The following HELLS variants were observed in gnomAD, a reference collection of about 807,000 sequenced individuals.
HELLS encodes helicase, lymphoid specific.
In HELLS, 32 loss-of-function variants were observed where a neutral mutation model predicts 120.0. That is an observed-to-expected ratio of 0.27 (90% CI 0.20 to 0.36). HELLS has a LOEUF of 0.36. Among genes scored for constraint, HELLS ranks in the 10% least tolerant of loss-of-function variants. HELLS has a pLI of 1.00. For synonymous variants in HELLS, 341 were observed against 323.4 expected (o/e 1.05, Z -0.58); for missense variants, 650 against 993.4 (o/e 0.65, Z 4.65).
At chr10:94,549,964 A>C (rs925781631) in intron 2 of HELLS, among the ~76,000 whole-genome samples, 26 of 152,152 alleles carry the variant, frequency 1.7e-4, no homozygotes, top group African/African-American at 5.8e-4. Context: ...CTTGTTGCCC[A>C]GGCTAGAGTG....
intron 7 of HELLS, 118 bp downstream of exon 7, chr10:94,571,547 T>TA (rs996740347): frequency 5.4e-4 from 384 of 713,680 alleles, no homozygotes; most frequent in Non-Finnish European, 6.1e-4. Flanking sequence ...TTCTTTGCTT[T>TA]AAAAAAAAAT....
At chr10:94,597,257 T>C in intron 21 of HELLS, 146 bp downstream of exon 21, 2 of 532,264 alleles carry the variant, frequency 3.8e-6, no homozygotes, top group Non-Finnish European at 6.6e-6. Flanking sequence ...TAAAATCAAA[T>C]CTCAGACATG....
rs933101238 is a variant in HELLS, at chr10:94,545,855, A to T, written c.-67A>T. 1.2e-5 allele frequency: 18 copies of T among 1,511,130 alleles called. No homozygotes were observed. Among genetic ancestry groups the T allele is most frequent in the Non-Finnish European group, 1.6e-5 (18 of 1,109,992 alleles). The allele number at this position is 1,511,130 out of a possible 1,614,324, so 93.6% of individuals were successfully genotyped here. A position where few individuals can be genotyped will look rare whatever the true frequency, so the allele number is the denominator to read the frequency against. On this transcript the variant is annotated 5_prime_UTR_variant, in exon 1 of 22. Transcript: ENST00000348459. ...GAAGGCTGGGCCGGCAGCGGTTGTG[A>T]GGAGTTAGCTCGCGGCATTGCAGGC... is the stretch of plus-strand genomic sequence containing the variant.
intron 4 of HELLS, among the ~76,000 whole-genome samples, chr10:94,562,432 A>G (rs7093613): frequency 0.16 from 24,082 of 152,138 alleles, 2,232 homozygotes; most frequent in East Asian, 0.37. Context: ...AATGCCAACT[A>G]TGTTTAATTT....
chr10:94,578,126 A>C (rs1399180273), intron 10 of HELLS, among the ~76,000 whole-genome samples: 1 of 151,314 alleles, frequency 6.6e-6, no homozygotes, highest in African/African-American at 2.4e-5. Flanking sequence ...GTGATGGTGC[A>C]CATGTTTAAT....
intron 19 of HELLS, among the ~76,000 whole-genome samples, chr10:94,595,443 AT>A (rs2134122162): frequency 6.6e-6 from 1 of 152,286 alleles, no homozygotes; most frequent in South Asian, 2.1e-4. Flanking sequence ...TAAGATAAAT[AT>A]TTTGCAAGTT....
At position 94,573,956 on chromosome 10, in the gene HELLS, A is replaced by G. The variant is rs1218849724; in HGVS notation, c.478-4A>G. 1.3e-6 allele frequency: 2 copies of G among 1,567,346 alleles called. No homozygotes were observed. The highest frequency in any genetic ancestry group is 1.7e-5 in the Admixed American group (1 of 57,458). On this transcript the variant is annotated splice_region_variant and splice_polypyrimidine_tract_variant and intron_variant, in intron 7 of 21. Coordinates refer to ENST00000348459, the MANE Select transcript of HELLS (RefSeq NM_018063.5). ...ACATCTTATTAAACTTTTTTTCTCT[A>G]CAGGATGAAAACTCCTCCTCTACTA...
At position 94,545,837 on chromosome 10, in the gene HELLS, G is replaced by A; in HGVS notation, c.-85G>A. On this transcript the variant is annotated 5_prime_UTR_variant, in exon 1 of 22. Transcript: ENST00000348459. ...TGGCGGGGGATTTGGCTAGAAGGCT[G>A]GGCCGGCAGCGGTTGTGAGGAGTTA... The A allele has an allele frequency of 6.9e-7, 1 of 1,446,504 alleles. No homozygotes were observed. Among genetic ancestry groups the A allele is most frequent in the Non-Finnish European group, 9.5e-7 (1 of 1,050,894 alleles). The allele number at this position is 1,446,504 out of a possible 1,614,324, so 89.6% of individuals were successfully genotyped here.
chr10:94,545,915 T>G lies in HELLS; in HGVS notation c.-7T>G. On this transcript the variant is annotated 5_prime_UTR_variant, in exon 1 of 22. Transcript: ENST00000348459. ...AGGGGACCCGGTTCCCGGGTGAGTG[T>G]CCAGGCATGCCAGCGGAACGGCCCG... 6.4e-7 allele frequency: 1 copy of G among 1,554,632 alleles called. No individual in the cohort carries two copies. The highest frequency in any genetic ancestry group is 8.7e-7 in the Non-Finnish European group (1 of 1,148,482).
chr10:94,612,525 A>G (rs1270205692), exon 10 of HELLS: 1 of 152,206 alleles, frequency 6.6e-6, no homozygotes, highest in Non-Finnish European at 1.5e-5. Flanking sequence ...CTGATGGGTA[A>G]TAGAATGTGT....
At chr10:94,608,563 T>G (rs1328359969) in intron 9 of HELLS, among the ~76,000 whole-genome samples, 1 of 152,216 alleles carries the variant, frequency 6.6e-6, no homozygotes, top group African/African-American at 2.4e-5. Flanking sequence ...TCTCTTTCAT[T>G]TCTTTTTTCA....
At chr10:94,574,520 C>A (rs1191053047) in intron 8 of HELLS, 34 bp from the exon 9 acceptor site, 11 of 1,479,854 alleles carry the variant, frequency 7.4e-6, no homozygotes, top group African/African-American at 1.4e-5. Context: ...TGTTTATATC[C>A]AAGTTTAAAT....
intron 2 of HELLS, among the ~76,000 whole-genome samples, chr10:94,552,956 A>G (rs966496908): frequency 4.6e-5 from 7 of 152,182 alleles, no homozygotes; most frequent in Non-Finnish European, 8.8e-5. Flanking sequence ...GCATGAGACC[A>G]TGCCTTAAAA....
Position 94,546,381 on chromosome 10 carries a change from G to T in HELLS, c.36G>T (p.Ser12=). 1 of 1,614,106 alleles carries T rather than the reference G, an allele frequency of 6.2e-7. No homozygotes were observed. The highest frequency in any genetic ancestry group is 8.5e-7 in the Non-Finnish European group (1 of 1,180,028). ...PAERPAGSGG[S]EAPAMVEQLD... is the part of the protein sequence containing the mutation. ...GAAAGCTTTCTCCCCCGTCAGGCTC[G>T]GAGGCTCCAGCAATGGTTGAACAAC... Residue 12 remains serine, a synonymous_variant, in exon 2 of 22, where the codon TCG becomes TCT. Coordinates refer to ENST00000348459, the MANE Select transcript of HELLS (RefSeq NM_018063.5).
At chr10:94,564,227 GA>G (rs1347936230) in intron 6 of HELLS, among the ~76,000 whole-genome samples, 1 of 152,196 alleles carries the variant, frequency 6.6e-6, no homozygotes, top group African/African-American at 2.4e-5. Context: ...AGGAACTGTG[GA>G]AACAACAGGC....
chr10:94,588,679 C>T (rs1845302898), intron 13 of HELLS, among the ~76,000 whole-genome samples: 1 of 152,106 alleles, frequency 6.6e-6, no homozygotes, highest in African/African-American at 2.4e-5. Context: ...TTGTGCCTGG[C>T]CTAAATTCCA....
At chr10:94,580,223 C>CA (rs1377259654) in intron 10 of HELLS, among the ~76,000 whole-genome samples, 2 of 139,992 alleles carry the variant, frequency 1.4e-5, no homozygotes, top group African/African-American at 5.3e-5. Context: ...CTCACTCTGT[C>CA]ACCCAGGCTG....
intron 3 of HELLS, among the ~76,000 whole-genome samples, chr10:94,554,519 TTG>T (rs1843146005): frequency 6.6e-6 from 1 of 152,212 alleles, no homozygotes; most frequent in Admixed American, 6.5e-5. Context: ...TAGACCAGTA[TTG>T]TTTTTTCCTA....
intron 10 of HELLS, among the ~76,000 whole-genome samples, chr10:94,578,422 C>T (rs1338174277): frequency 1.3e-5 from 2 of 152,102 alleles, no homozygotes; most frequent in Admixed American, 6.5e-5. Context: ...TAGGGCTGGC[C>T]GTAGTGGCTC....
Sources: allele counts gnomAD v4.1 joint callset (sites outside exome capture counted in the v4.1 genomes callset), GRCh38; gene constraint gnomAD v4.1.1; transcripts MANE v1.5; gene names NCBI Gene and HGNC (gene_info 2026-07-23, HGNC 2026-07-21).